GALNT17: variants seen among roughly 807,000 people sequenced by gnomAD.
GALNT17 encodes the protein polypeptide N-acetylgalactosaminyltransferase 17, also known as UDP-GalNAc:polypeptide N-acetylgalactosaminyltransferase-like 3.
In GALNT17, 29 loss-of-function variants were observed where a neutral mutation model predicts 63.7. The ratio of observed to expected loss-of-function variants is 0.46; its 90% CI spans 0.34 to 0.62. GALNT17 has a LOEUF of 0.62. Ranked by LOEUF, GALNT17 falls within the 20% of genes least tolerant of loss-of-function variation. GALNT17 has a pLI of 0.01. For synonymous variants in GALNT17, 305 were observed against 318.3 expected, an observed-to-expected ratio of 0.96 and a Z score of 0.45; for missense variants, 603 against 799.6, an observed-to-expected ratio of 0.75 and a Z score of 2.97.
chr7:71,464,100 A>T (rs1787497366), intron 5 of GALNT17, among the ~76,000 whole-genome samples: 1 of 152,138 alleles, frequency 6.6e-6, no homozygotes, highest in African/African-American at 2.4e-5. Context: ...CCAACCTCCA[A>T]GTCTTTTCAA....
intron 5 of GALNT17, among the ~76,000 whole-genome samples, chr7:71,462,116 C>T (rs1787460883): frequency 6.6e-6 from 1 of 152,132 alleles, no homozygotes; most frequent in Non-Finnish European, 1.5e-5. Flanking sequence ...TCTCCAGCTA[C>T]TCAGCCACCC....
intron 6 of GALNT17, among the ~76,000 whole-genome samples, chr7:71,603,229 A>G (rs779044289): frequency 6.6e-6 from 1 of 152,074 alleles, no homozygotes; most frequent in Non-Finnish European, 1.5e-5. Flanking sequence ...TTAAGTGCAT[A>G]CACTGGATAC....
intron 2 of GALNT17, among the ~76,000 whole-genome samples, chr7:71,377,114 A>AAATATATATATATATATATAT: frequency 5.2e-5 from 3 of 57,466 alleles, no homozygotes; most frequent in East Asian, 4.6e-4. Flanking sequence ...AAATAAAAAA[A>AAATATATATATATATATATAT]ATATATATAT....
intron 6 of GALNT17, among the ~76,000 whole-genome samples, chr7:71,572,825 T>C (rs961754325): frequency 6.6e-6 from 1 of 152,006 alleles, no homozygotes; most frequent in Non-Finnish European, 1.5e-5. Context: ...TTGGTGGTGA[T>C]GGTGGTAACT....
intron 5 of GALNT17, among the ~76,000 whole-genome samples, chr7:71,488,120 A>G (rs1259823236): frequency 6.8e-6 from 1 of 146,798 alleles, no homozygotes; most frequent in African/African-American, 2.5e-5. Flanking sequence ...GTGAGCTATG[A>G]TTTTGTCACT....
rs1476861875 is a variant in GALNT17, at chr7:71,207,031, G to A, written c.238+73991G>A. Among the ~76,000 whole-genome samples, 8 of 152,190 alleles carry A rather than the reference G, an allele frequency of 5.3e-5. No homozygotes were observed. In the South Asian group the frequency reaches 8.3e-4, roughly 16 times the overall value. ...TGAGGCAGGAGAATGGTGTGAACCC[G>A]GGAGGTGGAGCTTGCAGTGAGCCAA... On this transcript the variant is annotated intron_variant, in intron 1 of 10. Coordinates refer to ENST00000333538, the MANE Select transcript of GALNT17 (RefSeq NM_022479.3).
At chr7:71,300,491 T>C in intron 1 of GALNT17, 1 of 444,888 alleles carries the variant, frequency 2.2e-6, no homozygotes, top group South Asian at 1.6e-5. Flanking sequence ...TTGGACAGGA[T>C]AACAAATGGA....
intron 1 of GALNT17, among the ~76,000 whole-genome samples, chr7:71,255,893 A>G (rs1312272257): frequency 1.3e-5 from 2 of 152,194 alleles, no homozygotes; most frequent in South Asian, 2.1e-4. Flanking sequence ...GCCAAGGGCA[A>G]TCCCAAGTTA....
At chr7:71,610,988 C>CA (rs11447692) in intron 6 of GALNT17, among the ~76,000 whole-genome samples, 115,101 of 126,966 alleles carry the variant, frequency 0.91, 52,872 homozygotes, top group Non-Finnish European at 0.99. Context: ...GACTCCATTT[C>CA]AAAAAAAAAA....
At chr7:71,709,555 C>CT (rs1347771026) in intron 9 of GALNT17, among the ~76,000 whole-genome samples, 2 of 150,754 alleles carry the variant, frequency 1.3e-5, no homozygotes, top group Non-Finnish European at 2.9e-5. Context: ...TGAATAATCT[C>CT]TGATTTTAGT....
At chr7:71,558,408 G>A (rs1789200163) in intron 5 of GALNT17, among the ~76,000 whole-genome samples, 1 of 151,910 alleles carries the variant, frequency 6.6e-6, no homozygotes, top group Non-Finnish European at 1.5e-5. Context: ...TTCAAAGTTA[G>A]TGTTCCCATC....
At chr7:71,455,700 C>T (rs1424165158) in intron 5 of GALNT17, among the ~76,000 whole-genome samples, 2 of 152,126 alleles carry the variant, frequency 1.3e-5, no homozygotes, top group Non-Finnish European at 2.9e-5. Flanking sequence ...CCAGCCAGCA[C>T]GGGGCATAGG....
intron 1 of GALNT17, among the ~76,000 whole-genome samples, chr7:71,254,269 A>G (rs1290471611): frequency 6.6e-6 from 1 of 152,174 alleles, no homozygotes; most frequent in Admixed American, 6.5e-5. Flanking sequence ...TATCATGCAG[A>G]TGAAGCCTCC....
intron 1 of GALNT17, among the ~76,000 whole-genome samples, chr7:71,240,666 TC>T (rs1196161096): frequency 4.7e-5 from 7 of 148,550 alleles, no homozygotes; most frequent in Middle Eastern, 6.5e-3. Flanking sequence ...TTTTCTTTTT[TC>T]TTTTTTTCCT....
At chr7:71,393,929 A>G (rs978779408) in intron 3 of GALNT17, among the ~76,000 whole-genome samples, 4 of 152,120 alleles carry the variant, frequency 2.6e-5, no homozygotes, top group African/African-American at 4.8e-5. Flanking sequence ...ATTGTCACGC[A>G]GCTTCCTTGA....
intron 3 of GALNT17, among the ~76,000 whole-genome samples, chr7:71,394,703 C>T (rs1793106928): frequency 6.6e-6 from 1 of 152,192 alleles, no homozygotes; most frequent in African/African-American, 2.4e-5. Flanking sequence ...AGAGGTATCA[C>T]AGTCATAATA....
intron 2 of GALNT17, among the ~76,000 whole-genome samples, chr7:71,337,931 C>T (rs1277240766): frequency 6.6e-6 from 1 of 151,946 alleles, no homozygotes; most frequent in Non-Finnish European, 1.5e-5. Context: ...TATGGTGGCT[C>T]ACATCTATAA....
intron 5 of GALNT17, among the ~76,000 whole-genome samples, chr7:71,544,052 C>T (rs896576974): frequency 6.6e-6 from 1 of 151,908 alleles, no homozygotes; most frequent in Admixed American, 6.6e-5. Context: ...CTCAGCCCCC[C>T]AAAGGGCCAG....
chr7:71,265,118 ATTTTTTTTTT>A (rs60738546), intron 1 of GALNT17, among the ~76,000 whole-genome samples: 1,243 of 37,448 alleles, frequency 0.033, 80 homozygotes, highest in Non-Finnish European at 0.057. Context: ...ATATATATAT[ATTTTTTTTTT>A]TTTTTTTTTT....
Sources: gnomAD v4.1 joint callset for allele counts (sites outside exome capture counted in the v4.1 genomes callset) on GRCh38, gnomAD v4.1.1 for gene constraint, MANE v1.5 for transcripts, NCBI Gene and HGNC (gene_info 2026-07-23, HGNC 2026-07-21) for gene names.